The following DDX60L variants were observed in gnomAD, a reference collection of about 807,000 sequenced individuals.
DDX60L encodes the protein DExD/H-box 60 like, also known as probable ATP-dependent RNA helicase DDX60-like.
DDX60L carries 191 observed loss-of-function variants against 211.6 expected under a neutral mutation model. The ratio of observed to expected loss-of-function variants is 0.90; its 90% CI spans 0.80 to 1.02. The LOEUF is 1.02. DDX60L is among the 50% of genes least tolerant of loss of function. DDX60L has a pLI of 0.00. For missense variants in DDX60L, 2,007 were observed against 1,984.1 expected (o/e 1.01, Z -0.22); for synonymous variants, 706 against 694.1 (o/e 1.02, Z -0.27).
chr4:168,435,123 G>C (rs1752861991), intron 10 of DDX60L, among the ~76,000 whole-genome samples: 1 of 152,160 alleles, frequency 6.6e-6, no homozygotes, highest in Admixed American at 6.5e-5. Context: ...GTAAGGGCTT[G>C]TGGAACGTCA....
intron 30 of DDX60L, 53 bp from the exon 31 acceptor site, chr4:168,379,883 A>G: frequency 1.5e-6 from 2 of 1,297,658 alleles, no homozygotes. Flanking sequence ...ATTTGTAAAT[A>G]CTGATATGTA....
At chr4:168,421,714 G>A (rs1348338239) in intron 17 of DDX60L, 46 bp downstream of exon 17, 3 of 1,604,760 alleles carry the variant, frequency 1.9e-6, no homozygotes, top group Non-Finnish European at 2.6e-6. Flanking sequence ...TTTTTAAAGG[G>A]GATGTTCAGG....
chr4:168,447,064 CA>C (rs1385814816), intron 9 of DDX60L, among the ~76,000 whole-genome samples: 1 of 117,896 alleles, frequency 8.5e-6, no homozygotes, highest in Non-Finnish European at 1.7e-5. Flanking sequence ...TTCTGCACAG[CA>C]AAAGAAACTA....
intron 10 of DDX60L, among the ~76,000 whole-genome samples, chr4:168,437,475 C>T (rs2953031): frequency 6.6e-6 from 1 of 151,336 alleles, no homozygotes; most frequent in African/African-American, 2.5e-5. Flanking sequence ...AATCCAAAGT[C>T]CAACCCCCGC....
chr4:168,433,568 C>A (rs1215565686), intron 10 of DDX60L, among the ~76,000 whole-genome samples: 1 of 152,016 alleles, frequency 6.6e-6, no homozygotes, highest in East Asian at 1.9e-4. Context: ...CTCTTTGGAG[C>A]CTTCTTTAAT....
intron 4 of DDX60L, among the ~76,000 whole-genome samples, chr4:168,464,443 AT>A (rs34052527): frequency 3.3e-4 from 46 of 138,908 alleles, no homozygotes; most frequent in South Asian, 9.0e-4. Context: ...TTATAATTGT[AT>A]TTTTTTTTTT....
chr4:168,435,942 C>T (rs1196516734), intron 10 of DDX60L, among the ~76,000 whole-genome samples: 4 of 152,108 alleles, frequency 2.6e-5, no homozygotes, highest in Admixed American at 2.0e-4. Flanking sequence ...GGAAAATGAA[C>T]GGAACAAAAA....
intron 30 of DDX60L, among the ~76,000 whole-genome samples, chr4:168,384,280 T>C (rs1203178755): frequency 6.6e-6 from 1 of 152,072 alleles, no homozygotes; most frequent in Non-Finnish European, 1.5e-5. Flanking sequence ...CCCAGGAGTT[T>C]GAGACCAGCC....
chr4:168,391,984 T>G (rs1744919440), intron 28 of DDX60L, among the ~76,000 whole-genome samples: 1 of 152,224 alleles, frequency 6.6e-6, no homozygotes, highest in East Asian at 1.9e-4. Context: ...AGACCTTAAG[T>G]ATCATGAGGA....
intron 29 of DDX60L, among the ~76,000 whole-genome samples, chr4:168,388,819 G>A (rs1459160651): frequency 6.6e-6 from 1 of 152,162 alleles, no homozygotes; most frequent in African/African-American, 2.4e-5. Flanking sequence ...GAGGGGCAGG[G>A]CAACAGGCTG....
intron 6 of DDX60L, among the ~76,000 whole-genome samples, chr4:168,457,360 GAAGTGGAATTATGGATA>G (rs2150080134): frequency 6.8e-6 from 1 of 148,126 alleles, no homozygotes; most frequent in Admixed American, 6.7e-5. Context: ...CTAATATCAA[GAAGTGGAATTATGGATA>G]TTCTTACTAC....
intron 7 of DDX60L, among the ~76,000 whole-genome samples, chr4:168,454,481 A>G (rs1166078387): frequency 2.0e-5 from 3 of 152,196 alleles, no homozygotes; most frequent in African/African-American, 7.2e-5. Flanking sequence ...AACGTGAAAT[A>G]TCTAGAATAT....
intron 22 of DDX60L, among the ~76,000 whole-genome samples, chr4:168,410,270 G>C (rs1748458967): frequency 6.6e-6 from 1 of 151,686 alleles, no homozygotes; most frequent in Non-Finnish European, 1.5e-5. Flanking sequence ...AAAGACTTCT[G>C]GAAAAAAAAA....
At chr4:168,443,545 C>T (rs1273793900) in intron 9 of DDX60L, among the ~76,000 whole-genome samples, 4 of 152,064 alleles carry the variant, frequency 2.6e-5, no homozygotes, top group Middle Eastern at 3.4e-3. Context: ...AGATACTCCT[C>T]GAGAAGAGCA....
At chr4:168,395,867 C>T (rs764246714) in intron 27 of DDX60L, 92 bp downstream of exon 27, 6 of 884,222 alleles carry the variant, frequency 6.8e-6, no homozygotes, top group African/African-American at 1.7e-5. Context: ...AAAGGTATTA[C>T]ACAAGTCATT....
intron 1 of DDX60L, among the ~76,000 whole-genome samples, chr4:168,477,372 G>A (rs1051674172): frequency 1.3e-5 from 2 of 151,336 alleles, no homozygotes; most frequent in East Asian, 2.0e-4. Flanking sequence ...CCGAGATCAC[G>A]CCACTGCACT....
chr4:168,472,034 G>A, intron 3 of DDX60L, 98 bp from the exon 4 acceptor site: 2 of 932,032 alleles, frequency 2.1e-6, no homozygotes, highest in South Asian at 3.2e-5. Context: ...TGTTTGTTGA[G>A]TACCTCATGC....
At chr4:168,420,475 C>T (rs1303847251) in intron 17 of DDX60L, 95 bp from the exon 18 acceptor site, 9 of 178,484 alleles carry the variant, frequency 5.0e-5, no homozygotes, top group East Asian at 1.7e-4. Context: ...CACACACACA[C>T]ACACACACAC....
At chr4:168,398,399 A>G (rs1746197480) in intron 26 of DDX60L, among the ~76,000 whole-genome samples, 1 of 152,174 alleles carries the variant, frequency 6.6e-6, no homozygotes, top group African/African-American at 2.4e-5. Context: ...GCCAGTGAGC[A>G]TGGGAGGGAG....
Sources: allele counts gnomAD v4.1 joint callset (sites outside exome capture counted in the v4.1 genomes callset), GRCh38; gene constraint gnomAD v4.1.1; transcripts MANE v1.5; gene names NCBI Gene and HGNC (gene_info 2026-07-23, HGNC 2026-07-21).